Variants in CX3CR1 observed in about 807,000 individuals in gnomAD.
CX3CR1 encodes CX3C chemokine receptor 1.
For missense variants in CX3CR1, 363 were observed against 432.4 expected (o/e 0.84, Z 1.42); for synonymous variants, 168 against 178.5 (o/e 0.94, Z 0.47).
chr3:39,286,657 C>CAAAAAAAA (rs1191872396), upstream of CX3CR1: 1 of 81,628 alleles, frequency 1.2e-5, no homozygotes, highest in Non-Finnish European at 2.4e-5. Flanking sequence ...GACTCCGTCT[C>CAAAAAAAA]AAAAAAAAAA....
chr3:39,276,047 C>T (rs1012375215), intron 1 of CX3CR1, among the ~76,000 whole-genome samples: 2 of 152,060 alleles, frequency 1.3e-5, no homozygotes, highest in Non-Finnish European at 2.9e-5. Context: ...CACAGAGGGT[C>T]TGAGCATAGG....
upstream of CX3CR1, among the ~76,000 whole-genome samples, chr3:39,283,793 AATTAT>A (rs1559371897): frequency 3.1e-5 from 2 of 63,926 alleles, no homozygotes; most frequent in South Asian, 6.0e-4. Context: ...AAAAAAAAAA[AATTAT>A]ATATATATAT....
chr3:39,283,813 ATATATATAT>A (rs2040926562), upstream of CX3CR1, among the ~76,000 whole-genome samples: 2 of 65,778 alleles, frequency 3.0e-5, no homozygotes, highest in South Asian at 7.7e-4. Flanking sequence ...ATATATATAT[ATATATATAT>A]ATATATATAT....
Position 39,266,256 on chromosome 3 carries a change from G to T in CX3CR1, c.254C>A (p.Pro85His). The change falls in exon 2 of 2, where the codon CCC (proline) becomes CAC (histidine). Residue 85 changes from proline to histidine, a missense_variant. Physicochemically the swap from Pro to His is moderately conservative, Grantham distance 77 (BLOSUM62 -2). Transcript: ENST00000399220. ...LSDLLFVATL[P>H]FWTHYLINEK... The stretch of plus-strand genomic sequence containing the variant: ...ATTTATCAAATAGTGAGTCCAGAAG[G>T]GCAAAGTGGCTACAAACAGCAGATC... The T allele has an allele frequency of 6.2e-7, 1 of 1,614,208 alleles. No individual in the cohort carries two copies. Among genetic ancestry groups the T allele is most frequent in the Non-Finnish European group, 8.5e-7 (1 of 1,180,038 alleles).
In CX3CR1 at chr3:39,265,588, A is replaced by G. The variant is rs2040684258; in HGVS notation, c.922T>C (p.Tyr308His). 6.2e-7 allele frequency: 1 copy of G among 1,614,088 alleles called. No individual in the cohort carries two copies. Among genetic ancestry groups the G allele is most frequent in the South Asian group, 1.1e-5 (1 of 91,082 alleles). ...EKFRRYLYHL[Y>H]GKCLAVLCGR... The stretch of plus-strand genomic sequence containing the variant: ...CACAGGACAGCCAGGCATTTCCCAT[A>G]CAGGTGGTAAAGGTATCTTCTGAAC... Residue 308 changes from tyrosine to histidine, a missense_variant, in exon 2 of 2, where the codon TAT becomes CAT. Coordinates refer to ENST00000399220, the MANE Select transcript of CX3CR1 (RefSeq NM_001337.4).
Position 39,265,992 on chromosome 3 carries a change from T to C in CX3CR1, c.518A>G (p.Asn173Ser), listed in dbSNP as rs201878012. 3.1e-6 allele frequency: 5 copies of C among 1,614,066 alleles called. No individual in the cohort carries two copies. Among genetic ancestry groups the C allele is most frequent in the South Asian group, 1.1e-5 (1 of 91,084 alleles). The change falls in exon 2 of 2, where the codon AAT (asparagine) becomes AGT (serine). Residue 173 changes from asparagine to serine, a missense_variant. Transcript: ENST00000399220. ...PQFMFTKQKE[N>S]ECLGDYPEVL... is the part of the protein sequence containing the mutation. ...CTCGGGGTAGTCACCAAGGCATTCA[T>C]TTTCTTTCTGCTTTGTGAACATGAA...
At chr3:39,280,592 C>T (rs1370762087), upstream of CX3CR1, among the ~76,000 whole-genome samples, 1 of 152,238 alleles carries the variant, frequency 6.6e-6, no homozygotes, top group African/African-American at 2.4e-5. Flanking sequence ...CTAGTGAGTA[C>T]CTTGCACCTT....
chr3:39,290,243 G>A, the CX3CR1 span, among the ~76,000 whole-genome samples: 1 of 152,226 alleles, frequency 6.6e-6, no homozygotes, highest in Non-Finnish European at 1.5e-5. Context: ...AACAGGGGCA[G>A]TTCAGTGACT....
At chr3:39,267,130 T>G (rs769960209) in intron 1 of CX3CR1, among the ~76,000 whole-genome samples, 3 of 151,742 alleles carry the variant, frequency 2.0e-5, no homozygotes, top group Non-Finnish European at 4.4e-5. Context: ...TTACTTTTAC[T>G]GCCCAAAATC....
In CX3CR1 at chr3:39,265,964, G is replaced by A; in HGVS notation, c.546C>T (p.Val182=). The A allele has an allele frequency of 1.9e-6, 3 of 1,614,190 alleles. No individual in the cohort carries two copies. The highest frequency in any genetic ancestry group is 2.2e-5 in the East Asian group (1 of 44,876). The change falls in exon 2 of 2, where the codon GTC becomes GTT. Residue 182 remains valine, a synonymous_variant. Transcript: ENST00000399220. ...ENECLGDYPE[V]LQEIWPVLRN... is the part of the protein sequence containing the mutation. ...GGAGCACGGGCCAGATTTCCTGGAG[G>A]ACCTCGGGGTAGTCACCAAGGCATT...
intron 1 of CX3CR1, among the ~76,000 whole-genome samples, chr3:39,267,699 T>G (rs1047727796): frequency 6.6e-6 from 1 of 152,222 alleles, no homozygotes; most frequent in African/African-American, 2.4e-5. Context: ...AGGATGGGGC[T>G]CCGTTAGTCT....
At chr3:39,286,805 A>G in the CX3CR1 span, 4 of 152,342 alleles carry the variant, frequency 2.6e-5, no homozygotes, top group Admixed American at 6.5e-5. Flanking sequence ...CCTCAGCTAC[A>G]CTTTTTCATC....
At chr3:39,292,425 G>A in the CX3CR1 span, among the ~76,000 whole-genome samples, 1 of 152,136 alleles carries the variant, frequency 6.6e-6, no homozygotes, top group Admixed American at 6.6e-5. Flanking sequence ...ACTTTGTAAA[G>A]GGCCTCCTGG....
intron 1 of CX3CR1, among the ~76,000 whole-genome samples, chr3:39,270,114 G>A (rs772527312): frequency 1.3e-5 from 2 of 152,200 alleles, no homozygotes; most frequent in African/African-American, 4.8e-5. Context: ...GAGGAGACTC[G>A]GGCCCTGGGC....
chr3:39,288,400 C>T, the CX3CR1 span, among the ~76,000 whole-genome samples: 1 of 152,190 alleles, frequency 6.6e-6, no homozygotes, highest in Non-Finnish European at 1.5e-5. Context: ...TTAATGGTCT[C>T]GCTTTGGCTT....
the CX3CR1 span, among the ~76,000 whole-genome samples, chr3:39,289,380 G>A: frequency 6.6e-6 from 1 of 152,208 alleles, no homozygotes; most frequent in African/African-American, 2.4e-5. Flanking sequence ...AGGGTCAAGA[G>A]GGTAGAAGAG....
At chr3:39,285,501 T>G (rs2040937459), upstream of CX3CR1, among the ~76,000 whole-genome samples, 3 of 152,224 alleles carry the variant, frequency 2.0e-5, no homozygotes, top group South Asian at 4.1e-4. Context: ...ATTTTCAGGT[T>G]TGTTTCATAA....
intron 1 of CX3CR1, among the ~76,000 whole-genome samples, chr3:39,269,305 A>C (rs552594428): frequency 3.9e-5 from 6 of 152,172 alleles, no homozygotes; most frequent in Non-Finnish European, 8.8e-5. Context: ...AGGGGTCCCA[A>C]ATCAGGCCCT....
At chr3:39,290,370 G>T in the CX3CR1 span, among the ~76,000 whole-genome samples, 1 of 152,194 alleles carries the variant, frequency 6.6e-6, no homozygotes, top group Admixed American at 6.5e-5. Context: ...TGTGGTTGTG[G>T]AGTGGTCTTC....
Sources: gnomAD v4.1 joint callset for allele counts (sites outside exome capture counted in the v4.1 genomes callset) on GRCh38, gnomAD v4.1.1 for gene constraint, MANE v1.5 for transcripts, NCBI Gene and HGNC (gene_info 2026-07-23, HGNC 2026-07-21) for gene names.